The following ADAM19 variants were observed in gnomAD, a reference collection of about 807,000 sequenced individuals.
ADAM19 encodes ADAM metallopeptidase domain 19, also known as disintegrin and metalloproteinase domain-containing protein 19.
Under a neutral mutation model 114.7 loss-of-function variants are expected in ADAM19, and 65 were observed. The observed-to-expected ratio is 0.57, with a 90% CI of 0.46 to 0.70. The LOEUF (loss-of-function observed/expected upper bound fraction) is 0.70. Ranked by LOEUF, ADAM19 falls within the 30% of genes least tolerant of loss-of-function variation. The pLI is 0.00. For missense variants in ADAM19, 1,063 were observed against 1,204.7 expected, an observed-to-expected ratio of 0.88 and a Z score of 1.74; for synonymous variants, 466 against 460.5, an observed-to-expected ratio of 1.01 and a Z score of -0.15.
chr5:157,485,292 C>G (rs1028843422), intron 21 of ADAM19, among the ~76,000 whole-genome samples: 31 of 152,190 alleles, frequency 2.0e-4, no homozygotes, highest in Non-Finnish European at 4.4e-5. Context: ...TTTTTTAAAA[C>G]TATTTTAAAA....
At chr5:157,500,376 C>T (rs1755522566) in intron 12 of ADAM19, among the ~76,000 whole-genome samples, 1 of 152,184 alleles carries the variant, frequency 6.6e-6, no homozygotes, top group African/African-American at 2.4e-5. Flanking sequence ...TTTATACTTA[C>T]TTTACAAAAT....
At chr5:157,511,724 T>C (rs1755927374) in intron 8 of ADAM19, among the ~76,000 whole-genome samples, 2 of 152,154 alleles carry the variant, frequency 1.3e-5, no homozygotes, top group Admixed American at 1.3e-4. Flanking sequence ...TCATTCCAGT[T>C]TTAGTTCAAC....
At chr5:157,556,042 T>C (rs1436674308) in intron 3 of ADAM19, among the ~76,000 whole-genome samples, 2 of 152,122 alleles carry the variant, frequency 1.3e-5, no homozygotes, top group Non-Finnish European at 2.9e-5. Flanking sequence ...TTTGTTGTTG[T>C]TGTTGTTGCT....
intron 9 of ADAM19, among the ~76,000 whole-genome samples, chr5:157,508,141 A>G (rs1182806678): frequency 2.0e-5 from 3 of 152,264 alleles, no homozygotes; most frequent in Non-Finnish European, 1.5e-5. Flanking sequence ...GTTATTTTCT[A>G]CATGTTCCAA....
chr5:157,544,214 T>C lies in ADAM19; in HGVS notation c.252-6223A>G, dbSNP rs72811335. 5.7e-3 allele frequency among the ~76,000 whole-genome samples: 863 copies of C among 152,318 alleles called. 5 individuals carry two copies. Among genetic ancestry groups the C allele is most frequent in the Non-Finnish European group, 9.7e-3 (659 of 68,028 alleles). On this transcript the variant is annotated intron_variant, in intron 3 of 22. Coordinates refer to ENST00000257527, the MANE Select transcript of ADAM19 (RefSeq NM_033274.5). ...GGACTCCCTTGAATAAGCACCATCG[T>C]TGCCAGAGGACCAGCTTTGGAAGCA...
intron 12 of ADAM19, 110 bp from the exon 13 acceptor site, chr5:157,499,772 T>TC (rs1182850242): frequency 7.6e-6 from 4 of 522,982 alleles, no homozygotes; most frequent in East Asian, 3.6e-5. Context: ...AGCAACTATC[T>TC]CTTTTTTTTT....
At chr5:157,487,245 CTCTT>C (rs1754970832) in intron 21 of ADAM19, among the ~76,000 whole-genome samples, 2 of 152,254 alleles carry the variant, frequency 1.3e-5, no homozygotes, top group East Asian at 3.9e-4. Flanking sequence ...AATCTTTCCT[CTCTT>C]TCTGCATGGA....
At chr5:157,536,404 G>C (rs1756766616) in intron 4 of ADAM19, among the ~76,000 whole-genome samples, 1 of 152,206 alleles carries the variant, frequency 6.6e-6, no homozygotes, top group Non-Finnish European at 1.5e-5. Context: ...AAGGTGGGCA[G>C]ATCACCTGAG....
intron 4 of ADAM19, among the ~76,000 whole-genome samples, chr5:157,536,004 T>G (rs1169395014): frequency 8.5e-5 from 13 of 152,136 alleles, no homozygotes; most frequent in Admixed American, 8.5e-4. Flanking sequence ...CAAGGGGCAT[T>G]GAAGAATATG....
intron 10 of ADAM19, among the ~76,000 whole-genome samples, 167 bp downstream of exon 10, chr5:157,506,889 T>A (rs374978141): frequency 6.6e-6 from 1 of 152,186 alleles, no homozygotes; most frequent in Admixed American, 6.5e-5. Context: ...CTTCAGTACC[T>A]CCATCTCTTA....
At chr5:157,518,774 A>G (rs778414781) in intron 7 of ADAM19, 49 bp downstream of exon 7, 9 of 1,371,214 alleles carry the variant, frequency 6.6e-6, no homozygotes, top group Non-Finnish European at 9.4e-6. Flanking sequence ...CTGGAATGGA[A>G]GCTATCAAGA....
chr5:157,481,348 A>G, intron 22 of ADAM19: 1 of 577,886 alleles, frequency 1.7e-6, no homozygotes, highest in Non-Finnish European at 3.1e-6. Context: ...AGACTGGCAA[A>G]CTGAGACTGT....
At position 157,477,788 on chromosome 5, in the gene ADAM19, A is replaced by T; in HGVS notation, c.*3161T>A. The T allele has an allele frequency of 1.1e-5, 13 of 1,233,258 alleles. No homozygotes were observed. Among genetic ancestry groups the T allele is most frequent in the Non-Finnish European group, 1.3e-5 (12 of 937,518 alleles). The allele number at this position is 1,233,258 out of a possible 1,614,324, so 76.4% of individuals were successfully genotyped here. A position where few individuals can be genotyped will look rare whatever the true frequency, so the allele number is the denominator to read the frequency against. ...AGGCAGGGAGAGACTTCCAATAAAG[A>T]TTGGAAAGGCGTATTGCAGGAGGTG... On this transcript the variant is annotated 3_prime_UTR_variant, in exon 23 of 23. Coordinates refer to ENST00000257527, the MANE Select transcript of ADAM19 (RefSeq NM_033274.5).
Position 157,532,269 on chromosome 5 carries a change from A to G in ADAM19, c.331-1386T>C, listed in dbSNP as rs559675924. 1.1e-3 allele frequency among the ~76,000 whole-genome samples: 168 copies of G among 152,348 alleles called. 1 individual carries two copies. Among genetic ancestry groups the G allele is most frequent in the African/African-American group, 3.6e-3 (149 of 41,590 alleles). ...AGCCAGCAAACGGAGTCACAGCTTC[A>G]GCCTTCGTGGGGCTTATGGTCTTGT... On this transcript the variant is annotated intron_variant, in intron 4 of 22. Coordinates refer to ENST00000257527, the MANE Select transcript of ADAM19 (RefSeq NM_033274.5).
rs6895849 is a variant in ADAM19, at chr5:157,479,811, C to T, written c.*1138G>A. The T allele has an allele frequency of 0.065, 63,622 of 985,452 alleles. 2,715 individuals carry two copies. Among genetic ancestry groups the T allele is most frequent in the African/African-American group, 0.19 (10,761 of 57,292 alleles). 61.0% of individuals were successfully genotyped at this position (985,452 alleles called of 1,614,324 possible). On this transcript the variant is annotated 3_prime_UTR_variant, in exon 23 of 23. Transcript: ENST00000257527. ...CTGCTCAGAGGGCAACGGTCCAGCC[C>T]GAAGTCAATGACCAGCCTGCTCCCT...
At chr5:157,489,472 G>A (rs1447312719) in intron 19 of ADAM19, among the ~76,000 whole-genome samples, 1 of 152,162 alleles carries the variant, frequency 6.6e-6, no homozygotes, top group Non-Finnish European at 1.5e-5. Flanking sequence ...AGACACAAGG[G>A]TGTCACGAGC....
intron 21 of ADAM19, 116 bp downstream of exon 21, chr5:157,488,149 A>G: frequency 9.5e-7 from 1 of 1,051,136 alleles, no homozygotes; most frequent in Non-Finnish European, 1.4e-6. Flanking sequence ...TGAATTGCAG[A>G]AAAGGCAGTC....
intron 3 of ADAM19, among the ~76,000 whole-genome samples, chr5:157,542,669 G>C (rs188077335): frequency 8.5e-4 from 129 of 152,372 alleles, no homozygotes; most frequent in African/African-American, 2.7e-3. Flanking sequence ...GCCAGGTGTG[G>C]TGGCGCGCAC....
chr5:157,477,387 A>G lies in ADAM19; in HGVS notation c.*3562T>C. ...ACCATGGCCCATTCAAGTATTTTGC[A>G]TAGATGTACAAATATTGTAAACAAT... On this transcript the variant is annotated 3_prime_UTR_variant, in exon 23 of 23. Coordinates refer to ENST00000257527, the MANE Select transcript of ADAM19 (RefSeq NM_033274.5). 2.0e-6 allele frequency: 2 copies of G among 1,009,964 alleles called. No individual in the cohort carries two copies. Among genetic ancestry groups the G allele is most frequent in the Non-Finnish European group, 2.4e-6 (2 of 843,230 alleles). 62.6% of individuals were successfully genotyped at this position (1,009,964 alleles called of 1,614,324 possible).
Sources: allele counts gnomAD v4.1 joint callset (sites outside exome capture counted in the v4.1 genomes callset), GRCh38; gene constraint gnomAD v4.1.1; transcripts MANE v1.5; gene names NCBI Gene and HGNC (gene_info 2026-07-23, HGNC 2026-07-21).